CDH13: variants seen among roughly 807,000 people sequenced by gnomAD.
The protein encoded by CDH13 is cadherin-13.
CDH13 carries 24 observed loss-of-function variants against 63.8 expected under a neutral mutation model. The observed-to-expected ratio is 0.38, with a 90% CI of 0.27 to 0.53. The LOEUF (loss-of-function observed/expected upper bound fraction) is 0.53. Among genes scored for constraint, CDH13 ranks in the 20% least tolerant of loss-of-function variants. CDH13 has a pLI of 0.85. For missense variants in CDH13, 1,049 were observed against 903.1 expected (o/e 1.16, Z -2.07); for synonymous variants, 503 against 355.3 (o/e 1.42, Z -4.67).
intron 7 of CDH13, among the ~76,000 whole-genome samples, chr16:83,583,621 CAAAGA>C (rs1418804641): frequency 6.6e-6 from 1 of 152,158 alleles, no homozygotes; most frequent in Non-Finnish European, 1.5e-5. Context: ...GTGTGGGCAT[CAAAGA>C]GTGTGATTTG....
In CDH13 at chr16:83,357,815, A is replaced by T. The variant is rs55978857; in HGVS notation, c.781+12809A>T. ...TGGCAGGAGAGATGCTACAAATTGT[A>T]GGCATTGGTTGGTACCTTTTTATAG... On this transcript the variant is annotated intron_variant, in intron 6 of 13. Coordinates refer to ENST00000567109, the MANE Select transcript of CDH13 (RefSeq NM_001257.5). Among the ~76,000 whole-genome samples, 1,346 of 152,308 alleles carry T rather than the reference A, an allele frequency of 8.8e-3. 19 individuals are homozygous for T. The highest frequency in any genetic ancestry group is 0.031 in the African/African-American group (1,297 of 41,574).
chr16:83,504,281 C>T (rs2074348677), intron 7 of CDH13, among the ~76,000 whole-genome samples: 1 of 152,132 alleles, frequency 6.6e-6, no homozygotes, highest in Non-Finnish European at 1.5e-5. Flanking sequence ...ACCTCCAGCC[C>T]CTCCACAAAG....
intron 3 of CDH13, among the ~76,000 whole-genome samples, chr16:83,063,066 A>G (rs1014522131): frequency 6.7e-6 from 1 of 149,980 alleles, no homozygotes; most frequent in African/African-American, 2.5e-5. Flanking sequence ...GGTTCAAGTG[A>G]GTCTCCTGCA....
At chr16:83,525,111 G>A (rs897598907) in intron 7 of CDH13, among the ~76,000 whole-genome samples, 7 of 152,062 alleles carry the variant, frequency 4.6e-5, no homozygotes, top group African/African-American at 1.5e-4. Flanking sequence ...TCTCTCTCCC[G>A]GTGTCCTTAT....
At chr16:82,648,986 G>T (rs1227323179) in intron 1 of CDH13, among the ~76,000 whole-genome samples, 1 of 152,136 alleles carries the variant, frequency 6.6e-6, no homozygotes, top group Non-Finnish European at 1.5e-5. Flanking sequence ...GATCATGAAT[G>T]AGATGATGGG....
intron 5 of CDH13, among the ~76,000 whole-genome samples, chr16:83,338,169 T>C: frequency 7.4e-6 from 1 of 135,266 alleles, no homozygotes; most frequent in Admixed American, 8.2e-5. Flanking sequence ...AAATCAATGT[T>C]AGTCCTCTTC....
intron 4 of CDH13, among the ~76,000 whole-genome samples, chr16:83,131,287 C>G (rs956440692): frequency 4.2e-5 from 6 of 143,756 alleles, no homozygotes; most frequent in African/African-American, 1.3e-4. Context: ...TGGCTCTTTT[C>G]CATGGTGCAT....
At chr16:82,946,602 T>C (rs1331535168) in intron 2 of CDH13, among the ~76,000 whole-genome samples, 1 of 152,074 alleles carries the variant, frequency 6.6e-6, no homozygotes, top group Non-Finnish European at 1.5e-5. Flanking sequence ...GTGCCTGTAA[T>C]CCCAGCTGCT....
At chr16:83,144,390 A>T (rs907478115) in intron 4 of CDH13, among the ~76,000 whole-genome samples, 6 of 152,250 alleles carry the variant, frequency 3.9e-5, no homozygotes, top group Admixed American at 1.3e-4. Context: ...AGAATATTTT[A>T]AAAAATAAAA....
At chr16:83,184,147 A>G (rs1356044203) in intron 4 of CDH13, among the ~76,000 whole-genome samples, 5 of 75,692 alleles carry the variant, frequency 6.6e-5, no homozygotes, top group African/African-American at 1.2e-4. Flanking sequence ...CACAACTAGT[A>G]AAAAAAAAAA....
chr16:83,187,261 C>G (rs538431000), intron 4 of CDH13, among the ~76,000 whole-genome samples: 2 of 152,204 alleles, frequency 1.3e-5, no homozygotes, highest in Non-Finnish European at 2.9e-5. Flanking sequence ...TAAGCCACCA[C>G]GCCTGGCCCC....
In CDH13 at chr16:83,637,253, G is replaced by A. The variant is rs1306286488; in HGVS notation, c.1102-33537G>A. ...CTAATAGAAAAATTTAACAGATCTC[G>A]GGAGGAGCCAAGATGGCCGAATAGG... On this transcript the variant is annotated intron_variant, in intron 8 of 13. Coordinates refer to ENST00000567109, the MANE Select transcript of CDH13 (RefSeq NM_001257.5). 5.8e-5 allele frequency among the ~76,000 whole-genome samples: 6 copies of A among 103,704 alleles called. 1 individual carries two copies. The highest frequency in any genetic ancestry group is 4.7e-3 in the Middle Eastern group (1 of 212). The allele number at this position is 103,704 out of a possible 152,430, so 68.0% of individuals were successfully genotyped here.
At chr16:83,372,816 T>C (rs891101227) in intron 6 of CDH13, among the ~76,000 whole-genome samples, 1 of 151,588 alleles carries the variant, frequency 6.6e-6, no homozygotes, top group Non-Finnish European at 1.5e-5. Flanking sequence ...ATCTCTGCTT[T>C]CTGTGGGGAA....
intron 2 of CDH13, among the ~76,000 whole-genome samples, chr16:82,868,392 C>G (rs907417738): frequency 6.6e-6 from 1 of 152,084 alleles, no homozygotes; most frequent in African/African-American, 2.4e-5. Context: ...GATTAGAAAC[C>G]TCATAAATGC....
At chr16:82,790,501 C>T (rs773360312) in intron 1 of CDH13, among the ~76,000 whole-genome samples, 1 of 152,114 alleles carries the variant, frequency 6.6e-6, no homozygotes, top group Non-Finnish European at 1.5e-5. Context: ...TCAATTTGGG[C>T]TTCAAGGCAT....
chr16:82,931,870 G>A (rs764354855), intron 2 of CDH13, among the ~76,000 whole-genome samples: 4 of 152,160 alleles, frequency 2.6e-5, no homozygotes, highest in Admixed American at 6.5e-5. Flanking sequence ...AATTATGGGA[G>A]CTACAATTCA....
intron 5 of CDH13, among the ~76,000 whole-genome samples, chr16:83,244,435 A>G (rs1037327579): frequency 2.0e-5 from 3 of 152,196 alleles, no homozygotes; most frequent in Admixed American, 6.5e-5. Context: ...GCTAATGTCT[A>G]TTATGTATAG....
intron 8 of CDH13, among the ~76,000 whole-genome samples, chr16:83,657,433 C>G (rs1465723039): frequency 6.6e-6 from 1 of 152,176 alleles, no homozygotes; most frequent in Non-Finnish European, 1.5e-5. Context: ...TAGGCAGAAT[C>G]CCACTGAGTT....
intron 1 of CDH13, among the ~76,000 whole-genome samples, chr16:82,767,461 T>C (rs535660730): frequency 6.6e-6 from 1 of 152,378 alleles, no homozygotes; most frequent in African/African-American, 2.4e-5. Flanking sequence ...TTGCATGTTG[T>C]TGCACCGATG....
Sources: allele counts gnomAD v4.1 joint callset (sites outside exome capture counted in the v4.1 genomes callset), GRCh38; gene constraint gnomAD v4.1.1; transcripts MANE v1.5; gene names NCBI Gene and HGNC (gene_info 2026-07-23, HGNC 2026-07-21).